Variants in SLC1A7 observed in about 807,000 individuals in gnomAD.
SLC1A7 encodes excitatory amino acid transporter 5.
SLC1A7 carries 40 observed loss-of-function variants against 47.7 expected under a neutral mutation model. The observed-to-expected ratio is 0.84, with a 90% CI of 0.65 to 1.09. SLC1A7 has a LOEUF of 1.09. SLC1A7 is among the 50% of genes least tolerant of loss of function. SLC1A7 has a pLI of 0.00. For synonymous variants in SLC1A7, 323 were observed against 325.6 expected (o/e 0.99, Z 0.09); for missense variants, 746 against 769.5 (o/e 0.97, Z 0.36).
At chr1:53,120,821 C>A (rs529416634) in intron 2 of SLC1A7, among the ~76,000 whole-genome samples, 1 of 152,242 alleles carries the variant, frequency 6.6e-6, no homozygotes, top group Admixed American at 6.5e-5. Context: ...CTTCTCCTTT[C>A]CTGTCCTGTG....
At chr1:53,119,469 C>T (rs1307012669) in intron 2 of SLC1A7, among the ~76,000 whole-genome samples, 1 of 152,196 alleles carries the variant, frequency 6.6e-6, no homozygotes, top group Non-Finnish European at 1.5e-5. Context: ...TCACATCAGC[C>T]TCCCAAGTAG....
At chr1:53,108,713 A>G (rs1456341292) in intron 3 of SLC1A7, 6 of 715,480 alleles carry the variant, frequency 8.4e-6, no homozygotes, top group Non-Finnish European at 1.6e-5. Context: ...GGTGCTAAGC[A>G]TGGCACGGCA....
At chr1:53,090,544 G>A in intron 8 of SLC1A7, 68 bp downstream of exon 8, 3 of 1,469,152 alleles carry the variant, frequency 2.0e-6, no homozygotes, top group Non-Finnish European at 2.7e-6. Context: ...CCTCAAGTCT[G>A]GGAGCCTGGG....
rs925678230 is a variant in SLC1A7 at position 53,136,976 on chromosome 1, T to A, written c.136-2547A>T. 5.3e-5 allele frequency among the ~76,000 whole-genome samples: 8 copies of A among 152,122 alleles called. No homozygotes were observed. In the East Asian group the frequency reaches 1.5e-3, roughly 29 times the overall value. On this transcript the variant is annotated intron_variant, in intron 1 of 10. Transcript: ENST00000371494. ...GCCACTGCACTGGCACCCACATGTATATATTCTTTAAGTTAAAAGTGCTCT... is the reference window on the plus strand; with the variant it reads ...GCCACTGCACTGGCACCCACATGTAAATATTCTTTAAGTTAAAAGTGCTCT...
chr1:53,118,010 G>T (rs901072544), intron 2 of SLC1A7, among the ~76,000 whole-genome samples: 1 of 152,280 alleles, frequency 6.6e-6, no homozygotes, highest in African/African-American at 2.4e-5. Context: ...GGTGACAGCT[G>T]GCAGCACAGG....
rs962326019 is a variant in SLC1A7, at chr1:53,128,637, G to A, written c.215+5713C>T. Among the ~76,000 whole-genome samples the A allele has an allele frequency of 1.4e-5, 2 of 142,878 alleles. 1 individual carries two copies. Among genetic ancestry groups the A allele is most frequent in the Non-Finnish European group, 3.1e-5 (2 of 64,452 alleles). The allele number at this position is 142,878 out of a possible 152,430, so 93.7% of individuals were successfully genotyped here. A position where few individuals can be genotyped will look rare whatever the true frequency, so the allele number is the denominator to read the frequency against. On this transcript the variant is annotated intron_variant, in intron 2 of 10. Coordinates refer to ENST00000371494, the MANE Select transcript of SLC1A7 (RefSeq NM_006671.6). Reference sequence around the variant, plus strand: ...GCCCTGTGGATGTGCAGGTGTGCACGACTCAGGTGAAGCAGGGCATGCTGC... The same window carrying A: ...GCCCTGTGGATGTGCAGGTGTGCACAACTCAGGTGAAGCAGGGCATGCTGC...
intron 7 of SLC1A7, among the ~76,000 whole-genome samples, 197 bp downstream of exon 7, chr1:53,092,357 G>C (rs1317415576): frequency 6.6e-6 from 1 of 152,256 alleles, no homozygotes; most frequent in African/African-American, 2.4e-5. Context: ...GGGCCGTGGG[G>C]GAAGGAGAGG....
intron 1 of SLC1A7, among the ~76,000 whole-genome samples, chr1:53,134,746 C>T (rs562859464): frequency 8.5e-5 from 13 of 152,260 alleles, no homozygotes; most frequent in African/African-American, 2.4e-4. Context: ...GGACAGGTTC[C>T]GAGACCGCCA....
In SLC1A7 at chr1:53,114,829, G is replaced by A. The variant is rs772943976; in HGVS notation, c.360C>T (p.Ala120=). 6.2e-7 allele frequency: 1 copy of A among 1,614,056 alleles called. No individual in the cohort carries two copies. Among genetic ancestry groups the A allele is most frequent in the African/African-American group, 1.3e-5 (1 of 74,940 alleles). Residue 120 remains alanine, a synonymous_variant, in exon 3 of 11, where the codon GCC becomes GCT. Transcript: ENST00000371494. ...MVSIIHPGSA[A]QKETTEQSGK... is the part of the protein sequence containing the mutation. Reference sequence around the variant, plus strand: ...CACTCTGCTCCGTGGTCTCCTTCTGGGCCGCGCTGCCTGGGTGGATGATGG... The same window carrying A: ...CACTCTGCTCCGTGGTCTCCTTCTGAGCCGCGCTGCCTGGGTGGATGATGG...
chr1:53,098,431 A>T, intron 5 of SLC1A7, among the ~76,000 whole-genome samples: 1 of 146,934 alleles, frequency 6.8e-6, no homozygotes, highest in East Asian at 2.1e-4. Context: ...ACACCGCCTC[A>T]GTACACTCAC....
chr1:53,137,673 CT>C (rs1645015535), intron 1 of SLC1A7, among the ~76,000 whole-genome samples: 1 of 152,174 alleles, frequency 6.6e-6, no homozygotes, highest in African/African-American at 2.4e-5. Flanking sequence ...TTTTATTTGT[CT>C]TGTTTTCTGG....
chr1:53,093,445 A>G lies in SLC1A7; in HGVS notation c.797+16T>C. On this transcript the variant is annotated intron_variant, in intron 6 of 10. Coordinates refer to ENST00000371494, the MANE Select transcript of SLC1A7 (RefSeq NM_006671.6). ...CAGGGCTGGCCGGGGTGAGGTGGGT[A>G]AATGAGGAGGCTTACCACACAGCCA... 1 of 1,594,418 alleles carries G rather than the reference A, an allele frequency of 6.3e-7. No homozygotes were observed.
chr1:53,118,032 C>T (rs189444460), intron 2 of SLC1A7, among the ~76,000 whole-genome samples: 18 of 152,378 alleles, frequency 1.2e-4, no homozygotes, highest in South Asian at 6.2e-4. Flanking sequence ...CAGCCTCCCC[C>T]GGAGTGCCAG....
intron 3 of SLC1A7, among the ~76,000 whole-genome samples, chr1:53,106,432 G>A (rs779769138): frequency 5.9e-5 from 9 of 151,776 alleles, no homozygotes; most frequent in South Asian, 2.1e-4. Context: ...GTGAAACCCC[G>A]TCTCTACTAA....
intron 8 of SLC1A7, 155 bp downstream of exon 8, chr1:53,090,457 T>G: frequency 8.3e-7 from 1 of 1,211,046 alleles, no homozygotes; most frequent in South Asian, 1.6e-5. Flanking sequence ...TCCCGGGCTG[T>G]CCTCCAGGCT....
At chr1:53,134,325 C>A in intron 2 of SLC1A7, 25 bp downstream of exon 2, 1 of 1,588,808 alleles carries the variant, frequency 6.3e-7, no homozygotes, top group Non-Finnish European at 8.6e-7. Flanking sequence ...GGTTCCGGAC[C>A]ACCTGGTCAA....
intron 2 of SLC1A7, chr1:53,115,998 A>C (rs3820201): frequency 1.3e-5 from 2 of 152,168 alleles, no homozygotes; most frequent in African/African-American, 4.8e-5. Flanking sequence ...CTTTGTTGAC[A>C]AAAGGATTTT....
intron 5 of SLC1A7, among the ~76,000 whole-genome samples, chr1:53,098,629 A>AGTACGTTCACACACACCACCTCG (rs1644530896): frequency 6.9e-6 from 1 of 144,802 alleles, no homozygotes; most frequent in Non-Finnish European, 1.5e-5. Context: ...ATACCACCTC[A>AGTACGTTCACACACACCACCTCG]GTACGTTCAC....
chr1:53,092,170 G>C (rs1180079996), intron 7 of SLC1A7, among the ~76,000 whole-genome samples: 2 of 152,270 alleles, frequency 1.3e-5, no homozygotes, highest in Non-Finnish European at 2.9e-5. Flanking sequence ...ACATCCCAGC[G>C]GCAGTGGACA....
Sources: allele counts gnomAD v4.1 joint callset (sites outside exome capture counted in the v4.1 genomes callset), GRCh38; gene constraint gnomAD v4.1.1; transcripts MANE v1.5; gene names NCBI Gene and HGNC (gene_info 2026-07-23, HGNC 2026-07-21).